Variants in SUGCT observed in about 807,000 individuals in gnomAD.
SUGCT encodes the protein succinyl-CoA:glutarate CoA-transferase.
SUGCT carries 41 observed loss-of-function variants against 55.0 expected under a neutral mutation model. The ratio of observed to expected loss-of-function variants is 0.74; its 90% CI spans 0.58 to 0.97. SUGCT has a LOEUF of 0.97. SUGCT is among the 50% of genes least tolerant of loss of function. The pLI is 0.00. For synonymous variants in SUGCT, 187 were observed against 200.4 expected (o/e 0.93, Z 0.56); for missense variants, 568 against 547.8 (o/e 1.04, Z -0.37).
At chr7:40,339,519 C>T (rs996119383) in intron 9 of SUGCT, among the ~76,000 whole-genome samples, 1 of 152,182 alleles carries the variant, frequency 6.6e-6, no homozygotes, top group African/African-American at 2.4e-5. Context: ...ATGAGTGAGG[C>T]TCCATGGGCG....
chr7:40,289,187 C>T (rs1793559533), intron 8 of SUGCT, among the ~76,000 whole-genome samples: 1 of 151,926 alleles, frequency 6.6e-6, no homozygotes, highest in South Asian at 2.1e-4. Flanking sequence ...GGGAGATTAT[C>T]TTGGATTATC....
chr7:40,901,856 A>C, the SUGCT span, among the ~76,000 whole-genome samples: 4 of 152,268 alleles, frequency 2.6e-5, no homozygotes, highest in African/African-American at 9.6e-5. Context: ...CCAGGAACTC[A>C]GAATCAGAGT....
chr7:41,037,820 T>G, the SUGCT span, among the ~76,000 whole-genome samples: 1 of 152,024 alleles, frequency 6.6e-6, no homozygotes, highest in Non-Finnish European at 1.5e-5. Flanking sequence ...GGAAACTTCT[T>G]AAGTAATTGA....
At chr7:40,910,686 C>T in the SUGCT span, among the ~76,000 whole-genome samples, 1 of 152,250 alleles carries the variant, frequency 6.6e-6, no homozygotes, top group African/African-American at 2.4e-5. Flanking sequence ...TCTGCACTTG[C>T]ATCCATTGAT....
intron 8 of SUGCT, among the ~76,000 whole-genome samples, chr7:40,281,856 G>C (rs778108254): frequency 4.6e-5 from 7 of 152,060 alleles, no homozygotes; most frequent in Non-Finnish European, 1.0e-4. Context: ...GTCTCAATCT[G>C]TCACCCAGGC....
chr7:40,807,560 G>A (rs550656817), intron 13 of SUGCT, among the ~76,000 whole-genome samples: 13 of 152,288 alleles, frequency 8.5e-5, no homozygotes, highest in African/African-American at 2.9e-4. Flanking sequence ...CCTTGACAAA[G>A]CATCTACAGG....
At chr7:40,951,244 C>T in the SUGCT span, among the ~76,000 whole-genome samples, 6 of 152,092 alleles carry the variant, frequency 3.9e-5, no homozygotes, top group African/African-American at 7.2e-5. Flanking sequence ...AGTTTATTTG[C>T]GTAGAAGTGT....
intron 9 of SUGCT, among the ~76,000 whole-genome samples, chr7:40,416,756 G>A (rs182713570): frequency 3.0e-4 from 46 of 151,932 alleles, no homozygotes; most frequent in Non-Finnish European, 5.2e-4. Context: ...TATTACATCT[G>A]GCTAGTTTAA....
the SUGCT span, among the ~76,000 whole-genome samples, chr7:40,958,513 G>C: frequency 0.33 from 50,324 of 151,276 alleles, 9,078 homozygotes; most frequent in Admixed American, 0.45. Context: ...ACCTCCATCA[G>C]GTCATTTATG....
chr7:41,034,620 C>G, the SUGCT span, among the ~76,000 whole-genome samples: 1 of 152,182 alleles, frequency 6.6e-6, no homozygotes, highest in Non-Finnish European at 1.5e-5. Flanking sequence ...ATTTATTCAC[C>G]ATTTAACATG....
the SUGCT span, among the ~76,000 whole-genome samples, chr7:40,918,183 C>T: frequency 2.6e-5 from 4 of 152,080 alleles, no homozygotes; most frequent in Non-Finnish European, 4.4e-5. Context: ...GGAAAATAGG[C>T]CAGTCGCGGT....
chr7:40,754,421 C>T (rs1788158030), intron 13 of SUGCT, among the ~76,000 whole-genome samples: 1 of 152,170 alleles, frequency 6.6e-6, no homozygotes, highest in African/African-American at 2.4e-5. Flanking sequence ...AGTGCTAAAA[C>T]CTCAAACATT....
the SUGCT span, among the ~76,000 whole-genome samples, chr7:41,020,714 A>G: frequency 6.6e-6 from 1 of 152,220 alleles, no homozygotes; most frequent in African/African-American, 2.4e-5. Flanking sequence ...GAGCAGTTCT[A>G]GCAACGTGGA....
At chr7:40,830,164 C>A (rs893039479) in intron 13 of SUGCT, among the ~76,000 whole-genome samples, 6 of 152,162 alleles carry the variant, frequency 3.9e-5, no homozygotes, top group African/African-American at 1.4e-4. Flanking sequence ...CATCTCAGGT[C>A]TGCTCTGCTG....
At chr7:40,749,556 G>A in intron 13 of SUGCT, 59 bp downstream of exon 13, 3 of 1,341,066 alleles carry the variant, frequency 2.2e-6, no homozygotes, top group Non-Finnish European at 2.1e-6. Context: ...CCCATATGCT[G>A]TTTACTACAG....
At chr7:40,830,911 A>G (rs1273010472) in intron 13 of SUGCT, among the ~76,000 whole-genome samples, 1 of 152,170 alleles carries the variant, frequency 6.6e-6, no homozygotes, top group Admixed American at 6.5e-5. Flanking sequence ...CTCTCAAAGG[A>G]GGAAAGTAAG....
intron 12 of SUGCT, among the ~76,000 whole-genome samples, chr7:40,693,915 C>T (rs1005821324): frequency 2.6e-5 from 4 of 152,140 alleles, no homozygotes; most frequent in Admixed American, 2.6e-4. Context: ...AACACTGTCC[C>T]GCCCTCAGAA....
At chr7:40,613,088 A>T (rs1798837522) in intron 12 of SUGCT, among the ~76,000 whole-genome samples, 1 of 152,078 alleles carries the variant, frequency 6.6e-6, no homozygotes, top group African/African-American at 2.4e-5. Context: ...AGCCGACATC[A>T]TGTCACTGCA....
At chr7:40,290,315 T>C (rs1793661124) in intron 8 of SUGCT, among the ~76,000 whole-genome samples, 2 of 150,014 alleles carry the variant, frequency 1.3e-5, no homozygotes, top group Admixed American at 6.7e-5. Context: ...GAGATAGAGA[T>C]CAATGGAACA....
Sources: allele counts gnomAD v4.1 joint callset (sites outside exome capture counted in the v4.1 genomes callset), GRCh38; gene constraint gnomAD v4.1.1; transcripts MANE v1.5; gene names NCBI Gene and HGNC (gene_info 2026-07-23, HGNC 2026-07-21).